Variants in PUS3 observed in about 807,000 individuals in gnomAD.
The protein encoded by PUS3 is tRNA pseudouridine(38/39) synthase.
A neutral mutation model predicts 43.3 loss-of-function variants in PUS3; 36 were observed. That is an observed-to-expected ratio of 0.83 (90% confidence interval 0.64 to 1.10). PUS3 has a LOEUF of 1.10. PUS3 is among the 50% of genes least tolerant of loss of function. PUS3 has a pLI of 0.00. For synonymous variants in PUS3, 183 were observed against 199.2 expected, an observed-to-expected ratio of 0.92 and a Z score of 0.69; for missense variants, 544 against 589.9, an observed-to-expected ratio of 0.92 and a Z score of 0.81.
intron 1 of PUS3, chr11:125,899,937 G>A: frequency 6.2e-7 from 1 of 1,614,244 alleles, no homozygotes; most frequent in Non-Finnish European, 8.5e-7. Context: ...ATTGTTGCCA[G>A]CAGACCCAAG....
rs769276737 is a variant in PUS3 at position 125,899,730 on chromosome 11, G to T, written c.-46-3400C>A. 5 of 1,614,004 alleles carry T rather than the reference G, an allele frequency of 3.1e-6. No homozygotes were observed. The African/African-American group carries it at 6.7e-5, about 22-fold the overall frequency. On this transcript the variant is annotated intron_variant, in intron 1 of 3. Transcript: ENST00000227474. Reference sequence around the variant, plus strand: ...TCGATTATCAGTGAATCAGAATCTGGTACAGAAAATGATCAGGATCTCTGG... The same window carrying T: ...TCGATTATCAGTGAATCAGAATCTGTTACAGAAAATGATCAGGATCTCTGG...
intron 1 of PUS3, among the ~76,000 whole-genome samples, chr11:125,898,091 C>T (rs768388121): frequency 9.3e-5 from 14 of 151,220 alleles, no homozygotes; most frequent in East Asian, 7.7e-4. Context: ...TTGTCCTTTA[C>T]GGTATTAAAA....
chr11:125,894,213 C>A lies in PUS3; in HGVS notation c.1018G>T (p.Ala340Ser). ...ENVKWIYDQE[A>S]QEFNITHLQQ... ...AGGTGGGTAATATTGAACTCCTGAG[C>A]CTCCTGGTCATAGATCCACTTGACA... is the stretch of plus-strand genomic sequence containing the variant. Residue 340 changes from alanine (A) to serine (S), a missense_variant, in exon 4 of 4, where the codon GCT (alanine) becomes TCT (serine). Coordinates refer to ENST00000227474, the MANE Select transcript of PUS3 (RefSeq NM_031307.4). 2 of 1,613,702 alleles carry A rather than the reference C, an allele frequency of 1.2e-6. No homozygotes were observed. The highest frequency in any genetic ancestry group is 2.2e-5 in the South Asian group (2 of 91,062).
At chr11:125,898,149 ATTGCCT>A (rs2134252729) in intron 1 of PUS3, among the ~76,000 whole-genome samples, 1 of 152,282 alleles carries the variant, frequency 6.6e-6, no homozygotes, top group East Asian at 1.9e-4. Context: ...ATCATAAGAA[ATTGCCT>A]TTGAGAGTAA....
In PUS3 at chr11:125,895,326, C is replaced by T. The variant is rs184904057; in HGVS notation, c.842G>A (p.Cys281Tyr). The T allele has an allele frequency of 4.3e-6, 7 of 1,614,184 alleles. No homozygotes were observed. Among genetic ancestry groups the T allele is most frequent in the Admixed American group, 1.7e-5 (1 of 60,018 alleles). ...AATCAGAAAGAGGATAGCCATCATA[C>T]ATCGGACTTGATGATAAAGGAATGC... ...GQAFLYHQVR[C>Y]MMAILFLIGQ... Residue 281 changes from cysteine to tyrosine, a missense_variant, in exon 3 of 4, where the codon TGT (cysteine) becomes TAT (tyrosine). Coordinates refer to ENST00000227474, the MANE Select transcript of PUS3 (RefSeq NM_031307.4).
In PUS3 at chr11:125,895,727, T is replaced by G. The variant is rs757366829; in HGVS notation, c.441A>C (p.Val147=). The G allele has an allele frequency of 6.2e-7, 1 of 1,612,930 alleles. No homozygotes were observed. Among genetic ancestry groups the G allele is most frequent in the East Asian group, 2.2e-5 (1 of 44,882 alleles). Residue 147 remains valine (V), a synonymous_variant, in exon 3 of 4, where the codon GTA becomes GTC. Transcript: ENST00000227474. ...PRGRDSEDFN[V]KEEANAAAEE... ...CAGCAGCAGCATTAGCCTCCTCTTT[T>G]ACATTAAAGTCCTCGGAATCCCTGC...
chr11:125,894,115 A>C lies in PUS3; in HGVS notation c.1116T>G (p.Val372=). The C allele has an allele frequency of 6.2e-7, 1 of 1,614,124 alleles. No individual in the cohort carries two copies. The highest frequency in any genetic ancestry group is 1.1e-5 in the South Asian group (1 of 91,074). The change falls in exon 4 of 4, where the codon GTT becomes GTG. Residue 372 remains valine (V), a synonymous_variant. Transcript: ENST00000227474. ...LYSMLQGLDT[V]PVPCGIGPKM... ...TTGGTCCTATTCCACAGGGTACTGG[A>C]ACAGTGTCCAGTCCTTGTAGCATAC...
rs747492975 is a variant in PUS3 at position 125,899,710 on chromosome 11, T to A, written c.-46-3380A>T. 1 of 1,614,180 alleles carries A rather than the reference T, an allele frequency of 6.2e-7. No homozygotes were observed. Among genetic ancestry groups the A allele is most frequent in the Non-Finnish European group, 8.5e-7 (1 of 1,180,008 alleles). On this transcript the variant is annotated intron_variant, in intron 1 of 3. Transcript: ENST00000227474. ...AAGTATTAGTAACAGATGAGTCGAT[T>A]ATCAGTGAATCAGAATCTGGTACAG... is the stretch of plus-strand genomic sequence containing the variant.
intron 3 of PUS3, 91 bp from the exon 4 acceptor site, chr11:125,894,377 G>A (rs972621234): frequency 6.8e-6 from 7 of 1,024,502 alleles, no homozygotes; most frequent in East Asian, 4.8e-5. Context: ...TAAGGGAGCC[G>A]GGTAGGGCGC....
chr11:125,899,304 A>G, intron 1 of PUS3: 1 of 1,450,332 alleles, frequency 6.9e-7, no homozygotes, highest in East Asian at 2.3e-5. Flanking sequence ...ATGAGCTGGG[A>G]ATTTATTATC....
Position 125,895,896 on chromosome 11 carries a change from T to C in PUS3, c.378+11A>G. On this transcript the variant is annotated intron_variant, in intron 2 of 3. Transcript: ENST00000227474. The stretch of plus-strand genomic sequence containing the variant: ...ATTGCTTGCTTTGAGAAACAGTGTA[T>C]TGGCCCTTACCTGTCCAAAGGCACT... 6.2e-7 allele frequency: 1 copy of C among 1,609,638 alleles called. No homozygotes were observed. Among genetic ancestry groups the C allele is most frequent in the Non-Finnish European group, 8.5e-7 (1 of 1,179,016 alleles).
intron 1 of PUS3, among the ~76,000 whole-genome samples, chr11:125,896,646 C>G (rs7129502): frequency 0.16 from 23,735 of 152,214 alleles, 2,234 homozygotes; most frequent in Admixed American, 0.26. Context: ...ACTGATGTTA[C>G]AGATTTTTTT....
Position 125,899,620 on chromosome 11 carries a change from G to A in PUS3, c.-46-3290C>T, listed in dbSNP as rs2134258130. On this transcript the variant is annotated intron_variant, in intron 1 of 3. Transcript: ENST00000227474. ...ATGTCCCTTCAGAAACAGTCTCTGAGGCCTCCCAAAGACTCCGAAAGCCAG... is the reference window on the plus strand; with the variant it reads ...ATGTCCCTTCAGAAACAGTCTCTGAAGCCTCCCAAAGACTCCGAAAGCCAG... The A allele has an allele frequency of 6.2e-7, 1 of 1,614,158 alleles. No individual in the cohort carries two copies. Among genetic ancestry groups the A allele is most frequent in the Non-Finnish European group, 8.5e-7 (1 of 1,180,032 alleles).
chr11:125,893,974 T>G lies in PUS3; in HGVS notation c.1257A>C (p.Lys419Asn), dbSNP rs745568007. The G allele has an allele frequency of 1.2e-6, 2 of 1,614,180 alleles. No homozygotes were observed. Among genetic ancestry groups the G allele is most frequent in the South Asian group, 2.2e-5 (2 of 91,080 alleles). The change falls in exon 4 of 4, where the codon AAA becomes AAC. Residue 419 changes from lysine to asparagine, a missense_variant. Coordinates refer to ENST00000227474, the MANE Select transcript of PUS3 (RefSeq NM_031307.4). ...RTYKPLMDRP[K>N]CQGLESRIQH... is the part of the protein sequence containing the mutation. ...GGATCCGGGATTCCAGTCCTTGGCA[T>G]TTAGGACGGTCCATGAGGGGCTTAT...
rs1944549376 is a variant in PUS3, at chr11:125,895,366, C to CA, written c.801dup (p.Glu268Ter). ...TAAAGGAATGCCTGGCCAGTCACTT[C>CA]AAACTGACATAACTGGAAAGGTTCT... On this transcript the variant is annotated frameshift_variant, in exon 3 of 4. Transcript: ENST00000227474. LOFTEE classifies it high-confidence loss of function. The CA allele has an allele frequency of 6.2e-7, 1 of 1,614,226 alleles. No homozygotes were observed. Among genetic ancestry groups the CA allele is most frequent in the African/African-American group, 1.3e-5 (1 of 75,066 alleles).
rs1944682838 is a variant in PUS3 at position 125,899,257 on chromosome 11, G to A, written c.-46-2927C>T. The A allele has an allele frequency of 4.5e-6, 4 of 889,772 alleles. No individual in the cohort carries two copies. The Admixed American group carries it at 9.2e-5, about 20-fold the overall frequency. The allele number at this position is 889,772 out of a possible 1,614,324, so 55.1% of individuals were successfully genotyped here. On this transcript the variant is annotated intron_variant, in intron 1 of 3. Transcript: ENST00000227474. ...GGCCTTAGCCATTCTTTCTCCATTTGACTGCTATAAAACGGAGATAAGGGA... is the reference window on the plus strand; with the variant it reads ...GGCCTTAGCCATTCTTTCTCCATTTAACTGCTATAAAACGGAGATAAGGGA...
At chr11:125,900,244 TC>T (rs1359948615) in intron 1 of PUS3, 1 of 1,614,214 alleles carries the variant, frequency 6.2e-7, no homozygotes, top group African/African-American at 1.3e-5. Flanking sequence ...CCAGGAAGCT[TC>T]CCTTCCCTCT....
At chr11:125,895,168 G>A (rs888325506) in intron 3 of PUS3, 56 bp downstream of exon 3, 57 of 1,412,278 alleles carry the variant, frequency 4.0e-5, no homozygotes, top group Non-Finnish European at 4.9e-5. Context: ...TGCCTCAAGC[G>A]TCCCGAGTAG....
chr11:125,901,101 TA>T (rs1944761912), intron 1 of PUS3, among the ~76,000 whole-genome samples: 2 of 151,538 alleles, frequency 1.3e-5, no homozygotes, highest in African/African-American at 4.8e-5. Context: ...GCCTCATTAC[TA>T]AAGGTGTACA....
Sources: allele counts gnomAD v4.1 joint callset (sites outside exome capture counted in the v4.1 genomes callset), GRCh38; gene constraint gnomAD v4.1.1; transcripts MANE v1.5; gene names NCBI Gene and HGNC (gene_info 2026-07-23, HGNC 2026-07-21).